The following EXOC6 variants were observed in gnomAD, a reference collection of about 807,000 sequenced individuals.
EXOC6 encodes the protein SEC15-like 1.
A neutral mutation model predicts 112.5 loss-of-function variants in EXOC6; 60 were observed. The observed-to-expected ratio is 0.53, with a 90% CI of 0.43 to 0.66. The LOEUF (loss-of-function observed/expected upper bound fraction) is 0.66, where lower values mean the gene tolerates loss of function less well. Among genes scored for constraint, EXOC6 ranks in the 30% least tolerant of loss-of-function variants. EXOC6 has a pLI of 0.00. For missense variants in EXOC6, 855 were observed against 957.1 expected, an observed-to-expected ratio of 0.89 and a Z score of 1.41; for synonymous variants, 295 against 308.0, an observed-to-expected ratio of 0.96 and a Z score of 0.44.
intron 20 of EXOC6, among the ~76,000 whole-genome samples, chr10:93,041,363 T>C (rs1845767007): frequency 6.6e-6 from 1 of 152,208 alleles, no homozygotes; most frequent in African/African-American, 2.4e-5. Flanking sequence ...GTGGTGAATC[T>C]GACCATGTCA....
chr10:92,853,017 C>G (rs1276088857), intron 1 of EXOC6, among the ~76,000 whole-genome samples: 1 of 152,016 alleles, frequency 6.6e-6, no homozygotes, highest in African/African-American at 2.4e-5. Context: ...GTGGAATGTA[C>G]AGAAAAGCTA....
At chr10:92,840,830 G>T (rs1473377334) in intron 1 of EXOC6, among the ~76,000 whole-genome samples, 1 of 151,694 alleles carries the variant, frequency 6.6e-6, no homozygotes, top group Non-Finnish European at 1.5e-5. Flanking sequence ...GCTAGTTTTT[G>T]TATTTTTTGT....
intron 19 of EXOC6, among the ~76,000 whole-genome samples, chr10:93,002,308 T>C (rs544268207): frequency 2.0e-5 from 3 of 152,332 alleles, no homozygotes; most frequent in African/African-American, 7.2e-5. Flanking sequence ...GGATTTGTAA[T>C]CATTCTTTCT....
chr10:92,948,573 C>CATTACT (rs1853184440), intron 14 of EXOC6, among the ~76,000 whole-genome samples, 194 bp downstream of exon 14: 1 of 140,174 alleles, frequency 7.1e-6, no homozygotes, highest in Admixed American at 7.4e-5. Context: ...CTACTACTAC[C>CATTACT]ACTACTACTA....
intron 18 of EXOC6, among the ~76,000 whole-genome samples, chr10:92,988,304 C>T (rs1188796729): frequency 6.6e-6 from 1 of 152,062 alleles, no homozygotes; most frequent in East Asian, 1.9e-4. Context: ...GAGCTCTTGA[C>T]AGAATAAGAA....
At chr10:92,896,643 A>C (rs1167076555) in intron 4 of EXOC6, among the ~76,000 whole-genome samples, 1 of 152,014 alleles carries the variant, frequency 6.6e-6, no homozygotes, top group East Asian at 1.9e-4. Context: ...GCTGGAGTGC[A>C]GTGGCTGAAT....
At chr10:92,975,339 G>C (rs1298377206) in intron 18 of EXOC6, among the ~76,000 whole-genome samples, 40 of 140,528 alleles carry the variant, frequency 2.8e-4, no homozygotes, top group African/African-American at 1.0e-3. Context: ...GCAACCGCCC[G>C]GTCTGAGAAG....
chr10:92,980,837 G>A (rs951301076), intron 18 of EXOC6, among the ~76,000 whole-genome samples: 1 of 152,044 alleles, frequency 6.6e-6, no homozygotes, highest in Non-Finnish European at 1.5e-5. Flanking sequence ...TAAAGAAGGA[G>A]GCAAAAATCA....
At chr10:92,837,137 A>ACACGC (rs1564760612) in intron 1 of EXOC6, among the ~76,000 whole-genome samples, 2 of 66,988 alleles carry the variant, frequency 3.0e-5, no homozygotes, top group Non-Finnish European at 7.2e-5. Flanking sequence ...CACACACACA[A>ACACGC]GCCAGAACAA....
chr10:93,021,271 G>A (rs1011597811), intron 20 of EXOC6, among the ~76,000 whole-genome samples: 4 of 152,070 alleles, frequency 2.6e-5, no homozygotes, highest in African/African-American at 9.6e-5. Context: ...ACTTGAAGCC[G>A]GGTGTCAAGA....
intron 12 of EXOC6, among the ~76,000 whole-genome samples, chr10:92,938,068 T>C (rs942813584): frequency 2.6e-5 from 4 of 152,166 alleles, no homozygotes; most frequent in African/African-American, 9.7e-5. Context: ...AAAGTCCTTA[T>C]TTCTTTGTAG....
intron 20 of EXOC6, among the ~76,000 whole-genome samples, chr10:93,023,670 CTTAT>C (rs544188314): frequency 5.3e-5 from 8 of 152,204 alleles, no homozygotes; most frequent in Admixed American, 1.3e-4. Flanking sequence ...ACTTGATATA[CTTAT>C]TTGTGTCTGT....
At chr10:92,951,009 A>G (rs1036451223) in intron 14 of EXOC6, among the ~76,000 whole-genome samples, 1 of 152,190 alleles carries the variant, frequency 6.6e-6, no homozygotes, top group African/African-American at 2.4e-5. Flanking sequence ...GGTAACGGAG[A>G]TAAAGGGGTC....
At chr10:92,864,371 G>A (rs1848068565) in intron 1 of EXOC6, among the ~76,000 whole-genome samples, 1 of 152,186 alleles carries the variant, frequency 6.6e-6, no homozygotes, top group African/African-American at 2.4e-5. Flanking sequence ...GTCCTTCACT[G>A]TGCTCTTTCA....
intron 14 of EXOC6, among the ~76,000 whole-genome samples, chr10:92,951,456 C>T (rs747562652): frequency 4.6e-5 from 7 of 152,032 alleles, no homozygotes; most frequent in Non-Finnish European, 5.9e-5. Flanking sequence ...AGGAGTGGGT[C>T]AACTGTGTCA....
At chr10:92,874,365 T>C (rs1455365116) in intron 1 of EXOC6, among the ~76,000 whole-genome samples, 1 of 152,296 alleles carries the variant, frequency 6.6e-6, no homozygotes, top group African/African-American at 2.4e-5. Flanking sequence ...GTAAACCATG[T>C]CTTGACCCTT....
chr10:93,034,628 G>C (rs756284091), intron 20 of EXOC6, among the ~76,000 whole-genome samples: 3 of 152,180 alleles, frequency 2.0e-5, no homozygotes, highest in Non-Finnish European at 2.9e-5. Context: ...CTGGACGTCT[G>C]CCAGGACTTT....
At chr10:92,974,690 C>G (rs955616946) in intron 18 of EXOC6, among the ~76,000 whole-genome samples, 1 of 152,204 alleles carries the variant, frequency 6.6e-6, no homozygotes, top group African/African-American at 2.4e-5. Context: ...CTCAGCCTGC[C>G]GAGTGCCTGC....
rs1843549704 is a variant in EXOC6, at chr10:92,997,546, G to C, written c.2026G>C (p.Asp676His). Residue 676 changes from aspartate to histidine, a missense_variant, in exon 19 of 22, where the codon GAC becomes CAC. This residue lies in a region of EXOC6 where 450 missense variants were observed against 563.5 expected (regional missense o/e 0.80). Coordinates refer to ENST00000260762, the MANE Select transcript of EXOC6 (RefSeq NM_019053.6). The stretch of plus-strand genomic sequence containing the variant: ...AACATCCTTAATGCAGATGCTACTG[G>C]ACAGTGAGTTAAAACAAATAAGCAT... ...LSTSLMQMLL[D>H]SELKQISMGA... is the part of the protein sequence containing the mutation. The C allele has an allele frequency of 6.2e-7, 1 of 1,613,714 alleles. No individual in the cohort carries two copies. The highest frequency in any genetic ancestry group is 2.2e-5 in the East Asian group (1 of 44,848).
Sources: gnomAD v4.1 joint callset for allele counts (sites outside exome capture counted in the v4.1 genomes callset) on GRCh38, gnomAD v4.1.1 for gene constraint, gnomAD v4.1.1 regional missense constraint, MANE v1.5 for transcripts, NCBI Gene and HGNC (gene_info 2026-07-23, HGNC 2026-07-21) for gene names.